Variants in ACTA2 observed in about 807,000 individuals in gnomAD.
The protein encoded by ACTA2 is actin alpha 2, smooth muscle, also known as actin, aortic smooth muscle.
Under a neutral mutation model 39.5 loss-of-function variants are expected in ACTA2, and 12 were observed. The ratio of observed to expected loss-of-function variants is 0.30; its 90% CI spans 0.19 to 0.49. The LOEUF (loss-of-function observed/expected upper bound fraction) is 0.49. Ranked by LOEUF, ACTA2 falls within the 20% of genes least tolerant of loss-of-function variation. The pLI is 0.99. For synonymous variants in ACTA2, 158 were observed against 180.6 expected (o/e 0.88, Z 1.00); for missense variants, 236 against 498.8 (o/e 0.47, Z 5.02).
At chr10:88,967,501 T>C (rs1846340426) in intron 1 of ACTA2, among the ~76,000 whole-genome samples, 1 of 152,186 alleles carries the variant, frequency 6.6e-6, no homozygotes, top group African/African-American at 2.4e-5. Context: ...TGACTTTCAA[T>C]ATTCTATTCC....
intron 1 of ACTA2, among the ~76,000 whole-genome samples, chr10:88,950,404 C>T (rs1846028399): frequency 1.3e-5 from 2 of 152,176 alleles, no homozygotes; most frequent in African/African-American, 4.8e-5. Flanking sequence ...AATAAAATAG[C>T]TATTACAGAG....
chr10:88,974,343 T>C (rs1198403092), intron 1 of ACTA2: 1 of 152,170 alleles, frequency 6.6e-6, no homozygotes, highest in Non-Finnish European at 1.5e-5. Context: ...AATAGATGTC[T>C]AAAGATTTTG....
At chr10:88,960,428 G>A (rs371261647) in intron 1 of ACTA2, among the ~76,000 whole-genome samples, 1 of 152,006 alleles carries the variant, frequency 6.6e-6, no homozygotes, top group Non-Finnish European at 1.5e-5. Flanking sequence ...TCCTCTAAAC[G>A]CAAAACAGTG....
chr10:88,954,895 C>T (rs1043723292), upstream of ACTA2, among the ~76,000 whole-genome samples: 8 of 151,752 alleles, frequency 5.3e-5, no homozygotes, highest in Admixed American at 4.6e-4. Flanking sequence ...GAGAAACCAG[C>T]ACTGCATGGG....
intron 1 of ACTA2, among the ~76,000 whole-genome samples, chr10:88,963,287 T>C (rs904010960): frequency 1.3e-5 from 2 of 152,046 alleles, no homozygotes; most frequent in Non-Finnish European, 2.9e-5. Context: ...AATGTCTTAG[T>C]GTAAATTTAT....
intron 1 of ACTA2, among the ~76,000 whole-genome samples, chr10:88,980,457 C>T (rs6586159): frequency 0.11 from 16,101 of 152,094 alleles, 2,859 homozygotes; most frequent in African/African-American, 0.36. Context: ...AAAAGAGAGA[C>T]GCATTTCACA....
intron 1 of ACTA2, among the ~76,000 whole-genome samples, chr10:88,987,733 C>A (rs1009062686): frequency 1.3e-5 from 2 of 152,218 alleles, no homozygotes; most frequent in African/African-American, 2.4e-5. Flanking sequence ...TATACCCAAG[C>A]CCTGGGATTG....
intron 4 of ACTA2, among the ~76,000 whole-genome samples, chr10:88,943,460 C>T (rs978263638): frequency 2.6e-5 from 4 of 152,166 alleles, no homozygotes; most frequent in Non-Finnish European, 5.9e-5. Context: ...AGTTTTCAAA[C>T]CTAGATATGT....
In ACTA2 at chr10:88,975,686, A is replaced by G. The variant is rs1239334173; in HGVS notation, c.-24+15253T>C. ...GGTCAATGCTGCGCCTCCAGGTCATAAAACAGTGCCTGGCACATATTGGCC... is the reference window on the plus strand; with the variant it reads ...GGTCAATGCTGCGCCTCCAGGTCATGAAACAGTGCCTGGCACATATTGGCC... On this transcript the variant is annotated intron_variant, in intron 1 of 4. Transcript: ENST00000415557. Among the ~76,000 whole-genome samples, 4 of 152,228 alleles carry G rather than the reference A, an allele frequency of 2.6e-5. No homozygotes were observed. The East Asian group carries it at 7.7e-4, about 29-fold the overall frequency.
In ACTA2 at chr10:88,935,213, G is replaced by A. The variant is rs367887292; in HGVS notation, c.*10C>T. 3.7e-6 allele frequency: 6 copies of A among 1,612,484 alleles called. No homozygotes were observed. Among genetic ancestry groups the A allele is most frequent in the Admixed American group, 3.3e-5 (2 of 59,994 alleles). ...TGTGTGCTAGAGACAGAGAGGAGCAGGAAAGTGTTTTAGAAGCATTTGCGG... is the reference window on the plus strand; with the variant it reads ...TGTGTGCTAGAGACAGAGAGGAGCAAGAAAGTGTTTTAGAAGCATTTGCGG... On this transcript the variant is annotated 3_prime_UTR_variant, in exon 9 of 9. Transcript: ENST00000224784.
At chr10:88,991,026 G>A (rs1005491142) in exon 1 of ACTA2, 5 of 1,401,530 alleles carry the variant, frequency 3.6e-6, no homozygotes, top group African/African-American at 1.4e-5. Flanking sequence ...GGGCACCTGG[G>A]AGCGGCGGGC....
intron 5 of ACTA2, 45 bp from the exon 6 acceptor site, chr10:88,941,435 G>A: frequency 1.2e-6 from 2 of 1,612,640 alleles, no homozygotes; most frequent in African/African-American, 1.3e-5. Context: ...CAGCTGGCAT[G>A]TGGTTACTTG....
At chr10:88,950,014 C>T (rs1564648403) in intron 1 of ACTA2, among the ~76,000 whole-genome samples, 1 of 152,032 alleles carries the variant, frequency 6.6e-6, no homozygotes, top group African/African-American at 2.4e-5. Context: ...GCTGGAGCAG[C>T]CTATCAACTT....
chr10:88,952,438 T>C (rs1846067225), intron 1 of ACTA2, among the ~76,000 whole-genome samples: 2 of 152,222 alleles, frequency 1.3e-5, no homozygotes, highest in Non-Finnish European at 2.9e-5. Flanking sequence ...ACCTGTATTG[T>C]GCTGCAAGAT....
At chr10:88,979,939 A>T (rs991896732) in intron 1 of ACTA2, among the ~76,000 whole-genome samples, 1 of 152,214 alleles carries the variant, frequency 6.6e-6, no homozygotes, top group African/African-American at 2.4e-5. Flanking sequence ...TATAGTTCTT[A>T]CGTTCAAAGA....
At chr10:88,968,983 C>T (rs772763772) in intron 1 of ACTA2, among the ~76,000 whole-genome samples, 5 of 151,980 alleles carry the variant, frequency 3.3e-5, no homozygotes, top group South Asian at 2.1e-4. Context: ...ACCCCCACCC[C>T]GCAATACTAC....
chr10:88,983,628 A>T (rs952166099), intron 1 of ACTA2, among the ~76,000 whole-genome samples: 16 of 147,888 alleles, frequency 1.1e-4, no homozygotes, highest in African/African-American at 3.9e-4. Flanking sequence ...AAAAAAAAAA[A>T]AAAAAAAAAA....
intron 1 of ACTA2, among the ~76,000 whole-genome samples, chr10:88,963,842 T>A (rs1034164593): frequency 6.6e-5 from 10 of 152,166 alleles, no homozygotes; most frequent in Admixed American, 3.3e-4. Flanking sequence ...TAGCTATACA[T>A]TCCGGCAGGT....
chr10:88,956,928 G>C (rs966137797), upstream of ACTA2, among the ~76,000 whole-genome samples: 7 of 152,338 alleles, frequency 4.6e-5, no homozygotes, highest in Non-Finnish European at 8.8e-5. Context: ...AGGTGAACCT[G>C]CTCCCACAAG....
Sources: allele counts gnomAD v4.1 joint callset (sites outside exome capture counted in the v4.1 genomes callset), GRCh38; gene constraint gnomAD v4.1.1; transcripts MANE v1.5; gene names NCBI Gene and HGNC (gene_info 2026-07-23, HGNC 2026-07-21).